The following LRRTM4 variants were observed in gnomAD, a reference collection of about 807,000 sequenced individuals.
The protein encoded by LRRTM4 is leucine rich repeat transmembrane neuronal 4, also known as leucine-rich repeat transmembrane neuronal protein 4.
A neutral mutation model predicts 47.6 loss-of-function variants in LRRTM4; 25 were observed. That is an observed-to-expected ratio of 0.53 (90% CI 0.38 to 0.73). LRRTM4 has a LOEUF of 0.73. Among genes scored for constraint, LRRTM4 ranks in the 30% least tolerant of loss-of-function variants. The pLI, the probability that LRRTM4 is intolerant of heterozygous loss-of-function variation, is 0.00. For missense variants in LRRTM4, 638 were observed against 713.4 expected, an observed-to-expected ratio of 0.89 and a Z score of 1.20; for synonymous variants, 311 against 269.5, an observed-to-expected ratio of 1.15 and a Z score of -1.51.
chr2:77,296,443 G>A (rs551814603), intron 3 of LRRTM4, among the ~76,000 whole-genome samples: 1 of 152,120 alleles, frequency 6.6e-6, no homozygotes, highest in African/African-American at 2.4e-5. Context: ...ACATATTACA[G>A]CATTTTTCTT....
chr2:76,825,177 G>A (rs1343894525), intron 3 of LRRTM4, among the ~76,000 whole-genome samples: 2 of 151,392 alleles, frequency 1.3e-5, no homozygotes, highest in Non-Finnish European at 3.0e-5. Flanking sequence ...GAAATAAAGA[G>A]GATTAAAAAG....
intron 3 of LRRTM4, among the ~76,000 whole-genome samples, chr2:77,290,997 T>C (rs1676808519): frequency 6.6e-6 from 1 of 152,120 alleles, no homozygotes. Flanking sequence ...GCTGGGCTTT[T>C]CTGCTCTTAC....
intron 3 of LRRTM4, among the ~76,000 whole-genome samples, chr2:76,878,935 T>C (rs1490461400): frequency 6.6e-6 from 1 of 151,984 alleles, no homozygotes; most frequent in Non-Finnish European, 1.5e-5. Context: ...GTGGCCTGGA[T>C]AGAACATCAA....
chr2:76,764,285 A>C (rs1229772222), intron 3 of LRRTM4, among the ~76,000 whole-genome samples: 1 of 152,210 alleles, frequency 6.6e-6, no homozygotes, highest in Admixed American at 6.5e-5. Context: ...GCATGTTCTA[A>C]AGAGAACAAT....
At chr2:77,288,505 T>A (rs1224402434) in intron 3 of LRRTM4, among the ~76,000 whole-genome samples, 2 of 151,962 alleles carry the variant, frequency 1.3e-5, no homozygotes, top group Admixed American at 1.3e-4. Flanking sequence ...AAGATAATAT[T>A]CATAAACTAT....
chr2:76,813,212 A>T (rs1030859186), intron 3 of LRRTM4, among the ~76,000 whole-genome samples: 1 of 152,124 alleles, frequency 6.6e-6, no homozygotes, highest in African/African-American at 2.4e-5. Flanking sequence ...ATACATGTAT[A>T]TGTGTATATA....
At position 77,165,931 on chromosome 2, in the gene LRRTM4, A is replaced by C. The variant is rs190235679; in HGVS notation, c.1551+352387T>G. ...AGGGATGCCCTCTCTCACCACTCCT[A>C]GTCAACATAATGTTGGAAGTTCTGG... On this transcript the variant is annotated intron_variant, in intron 3 of 3. Transcript: ENST00000409884. Among the ~76,000 whole-genome samples, 160 of 152,312 alleles carry C rather than the reference A, an allele frequency of 1.1e-3. 2 individuals carry two copies. Among genetic ancestry groups the C allele is most frequent in the African/African-American group, 3.1e-3 (127 of 41,572 alleles).
At chr2:77,120,596 T>C (rs1190263887) in intron 3 of LRRTM4, among the ~76,000 whole-genome samples, 4 of 151,880 alleles carry the variant, frequency 2.6e-5, no homozygotes, top group Non-Finnish European at 5.9e-5. Flanking sequence ...ACTAAAGTAA[T>C]TTCACGCTTC....
At chr2:76,968,224 G>C (rs1237855639) in intron 3 of LRRTM4, among the ~76,000 whole-genome samples, 1 of 149,682 alleles carries the variant, frequency 6.7e-6, no homozygotes, top group Non-Finnish European at 1.5e-5. Context: ...AATCAAATTA[G>C]TGTAAATTAA....
At chr2:77,217,148 G>A (rs772051440) in intron 3 of LRRTM4, among the ~76,000 whole-genome samples, 2 of 150,832 alleles carry the variant, frequency 1.3e-5, no homozygotes, top group Non-Finnish European at 2.9e-5. Context: ...TGGTACCCAG[G>A]CACTTATATC....
intron 3 of LRRTM4, among the ~76,000 whole-genome samples, chr2:76,954,963 A>G (rs1675624145): frequency 6.6e-6 from 1 of 151,816 alleles, no homozygotes. Context: ...CCATAACATA[A>G]ATACCATAAC....
chr2:76,785,677 CTT>C (rs1293205694), intron 3 of LRRTM4, among the ~76,000 whole-genome samples: 2 of 152,066 alleles, frequency 1.3e-5, no homozygotes, highest in Non-Finnish European at 2.9e-5. Flanking sequence ...TAAAATAAGA[CTT>C]TTTTCACCCT....
At chr2:77,338,230 A>T (rs1671236397) in intron 3 of LRRTM4, among the ~76,000 whole-genome samples, 2 of 152,230 alleles carry the variant, frequency 1.3e-5, no homozygotes, top group South Asian at 4.1e-4. Context: ...CAGAAGCCAA[A>T]ATGGACAAAT....
At chr2:77,508,008 G>A (rs1446947273) in intron 3 of LRRTM4, among the ~76,000 whole-genome samples, 1 of 152,106 alleles carries the variant, frequency 6.6e-6, no homozygotes, top group Non-Finnish European at 1.5e-5. Flanking sequence ...ACGTGGAAGA[G>A]TTCTAGCTCA....
chr2:77,128,476 C>A (rs954633962), intron 3 of LRRTM4, among the ~76,000 whole-genome samples: 1 of 152,094 alleles, frequency 6.6e-6, no homozygotes, highest in African/African-American at 2.4e-5. Context: ...GTACCTGGGC[C>A]TATGTATTTG....
intron 3 of LRRTM4, among the ~76,000 whole-genome samples, chr2:76,870,455 G>GA (rs1323465033): frequency 2.0e-5 from 3 of 151,476 alleles, no homozygotes; most frequent in Admixed American, 1.3e-4. Context: ...AATACTGGGG[G>GA]AAAAAAGGAA....
At chr2:77,055,573 C>T (rs1234650274) in intron 3 of LRRTM4, among the ~76,000 whole-genome samples, 1 of 152,282 alleles carries the variant, frequency 6.6e-6, no homozygotes, top group African/African-American at 2.4e-5. Flanking sequence ...GAAATAGGAA[C>T]ACTTTTACAC....
intron 3 of LRRTM4, among the ~76,000 whole-genome samples, chr2:76,806,935 C>G (rs569052507): frequency 1.4e-3 from 218 of 151,912 alleles, no homozygotes; most frequent in African/African-American, 5.0e-3. Context: ...AAACTTATGG[C>G]CATATAAAAA....
chr2:77,272,624 T>A (rs867547038), intron 3 of LRRTM4, among the ~76,000 whole-genome samples: 4 of 152,182 alleles, frequency 2.6e-5, no homozygotes, highest in South Asian at 4.1e-4. Context: ...AGAAATTTAA[T>A]CCTTGAGCTT....
Sources: gnomAD v4.1 joint callset for allele counts (sites outside exome capture counted in the v4.1 genomes callset) on GRCh38, gnomAD v4.1.1 for gene constraint, MANE v1.5 for transcripts, NCBI Gene and HGNC (gene_info 2026-07-23, HGNC 2026-07-21) for gene names.